The following TBPL2 variants were observed in gnomAD, a reference collection of about 807,000 sequenced individuals.
TBPL2 encodes the protein TATA box-binding protein-like 2.
Under a neutral mutation model 38.2 loss-of-function variants are expected in TBPL2, and 40 were observed. That is an observed-to-expected ratio of 1.05 (90% CI 0.81 to 1.36). The LOEUF is 1.36. TBPL2 is among the 40% of genes most tolerant of loss of function. The pLI is 0.00. For synonymous variants in TBPL2, 169 were observed against 171.7 expected (o/e 0.98, Z 0.12); for missense variants, 461 against 456.7 (o/e 1.01, Z -0.09).
At chr14:55,416,447 TAAAAAG>T (rs1485266078) in intron 6 of TBPL2, among the ~76,000 whole-genome samples, 2 of 151,618 alleles carry the variant, frequency 1.3e-5, no homozygotes, top group African/African-American at 4.8e-5. Context: ...AGGAAAAAAA[TAAAAAG>T]AGAAAAAATA....
rs181322562 is a variant in TBPL2 at position 55,415,341 on chromosome 14, C to G, written c.1052-886G>C. On this transcript the variant is annotated intron_variant, in intron 6 of 6. Coordinates refer to ENST00000247219, the Ensembl canonical transcript of TBPL2. Reference sequence around the variant, plus strand: ...TTTAGTTGATAAAGACTCTTAAGAACTATAAAGTACATTGCTGATAGGAAC... The same window carrying G: ...TTTAGTTGATAAAGACTCTTAAGAAGTATAAAGTACATTGCTGATAGGAAC... Among the ~76,000 whole-genome samples the G allele has an allele frequency of 3.9e-3, 591 of 152,228 alleles. 20 individuals are homozygous for G. The highest frequency in any genetic ancestry group is 8.5e-4 in the Non-Finnish European group (58 of 68,020).
At chr14:55,433,782 A>G in intron 3 of TBPL2, 61 bp from the exon 4 acceptor site, 3 of 1,473,194 alleles carry the variant, frequency 2.0e-6, no homozygotes, top group Non-Finnish European at 2.8e-6. Context: ...TCCCAGTTGA[A>G]AAAGCCGAGC....
At chr14:55,416,744 C>T (rs895915324) in intron 6 of TBPL2, among the ~76,000 whole-genome samples, 1 of 152,214 alleles carries the variant, frequency 6.6e-6, no homozygotes, top group Non-Finnish European at 1.5e-5. Flanking sequence ...TAGCTGCATT[C>T]GTCTTGAACA....
exon 1 of TBPL2, chr14:55,440,432 G>C (rs1173204228): frequency 3.7e-6 from 6 of 1,612,978 alleles, no homozygotes; most frequent in Admixed American, 1.7e-5. Flanking sequence ...GCTCCAGGTA[G>C]GTCTCCTCCT....
intron 1 of TBPL2, among the ~76,000 whole-genome samples, chr14:55,439,170 C>T (rs898955547): frequency 6.6e-6 from 1 of 151,642 alleles, no homozygotes; most frequent in Non-Finnish European, 1.5e-5. Flanking sequence ...AACTCCTGAC[C>T]TCAAATGAGC....
exon 2 of TBPL2, chr14:55,436,631 G>C: frequency 6.2e-7 from 1 of 1,614,234 alleles, no homozygotes; most frequent in Non-Finnish European, 8.5e-7. Flanking sequence ...ATGGATGCCA[G>C]AGACAAGGAG....
intron 4 of TBPL2, among the ~76,000 whole-genome samples, chr14:55,432,437 CA>C (rs1885945265): frequency 1.1e-4 from 11 of 98,038 alleles, no homozygotes; most frequent in Admixed American, 9.5e-4. Context: ...AACAAATAAA[CA>C]AACAACAAAA....
chr14:55,437,143 T>C (rs1168597913), intron 1 of TBPL2, 125 bp from the exon 2 acceptor site: 3 of 802,644 alleles, frequency 3.7e-6, no homozygotes, highest in East Asian at 2.5e-5. Context: ...TCAAGATTGC[T>C]TGTATTCATG....
At chr14:55,439,278 T>TAAA (rs34693240) in intron 1 of TBPL2, among the ~76,000 whole-genome samples, 7,533 of 133,768 alleles carry the variant, frequency 0.056, 257 homozygotes, top group Non-Finnish European at 0.08. Context: ...TAATTAACTT[T>TAAA]AAAAAAAAAA....
intron 6 of TBPL2, among the ~76,000 whole-genome samples, chr14:55,415,043 A>G (rs759438606): frequency 5.9e-5 from 9 of 152,264 alleles, no homozygotes; most frequent in Non-Finnish European, 1.2e-4. Flanking sequence ...GGATAAAAAC[A>G]TGAATCAAAC....
At chr14:55,430,186 A>G (rs1885902711) in intron 4 of TBPL2, among the ~76,000 whole-genome samples, 1 of 152,152 alleles carries the variant, frequency 6.6e-6, no homozygotes, top group East Asian at 1.9e-4. Flanking sequence ...AGGGTGAATC[A>G]GGTGAATTCC....
chr14:55,433,719 C>T (rs1341750092), exon 4 of TBPL2: 1 of 1,613,604 alleles, frequency 6.2e-7, no homozygotes, highest in Non-Finnish European at 8.5e-7. Flanking sequence ...CAGCAGCAAA[C>T]CTCTATACCC....
rs778648378 is a variant in TBPL2, at chr14:55,428,862, C to T, written c.901G>A (p.Val301Met). 1.5e-5 allele frequency: 25 copies of T among 1,614,074 alleles called. No individual in the cohort carries two copies. The highest frequency in any genetic ancestry group is 2.1e-5 in the Non-Finnish European group (25 of 1,180,030). The change falls in exon 5 of 7, where the codon GTG (valine) becomes ATG (methionine). Residue 301 changes from valine to methionine, a missense_variant. Physicochemically the swap from Val to Met is conservative, Grantham distance 21 (BLOSUM62 1). Coordinates refer to ENST00000247219, the Ensembl canonical transcript of TBPL2. ...CCTTCCAGCCTGATGGGAAATCTCA[C>T]ATCACAGCTTCCAACCATGTTCTGA...
intron 5 of TBPL2, 110 bp downstream of exon 5, chr14:55,428,697 C>CT: frequency 8.5e-7 from 1 of 1,182,746 alleles, no homozygotes; most frequent in Non-Finnish European, 1.2e-6. Context: ...GTGTCCCCCG[C>CT]CTTTTTTTTT....
chr14:55,417,435 A>G (rs368835728), intron 6 of TBPL2, among the ~76,000 whole-genome samples: 7 of 146,146 alleles, frequency 4.8e-5, no homozygotes, highest in African/African-American at 1.8e-4. Flanking sequence ...CCAGGCTCCA[A>G]TGAGATGACC....
intron 4 of TBPL2, among the ~76,000 whole-genome samples, chr14:55,429,221 T>C (rs1270500721): frequency 6.6e-6 from 1 of 152,262 alleles, no homozygotes; most frequent in African/African-American, 2.4e-5. Flanking sequence ...CTTTCATATA[T>C]GAAGTACTTT....
exon 2 of TBPL2, chr14:55,436,609 G>A (rs371440701): frequency 1.9e-6 from 3 of 1,614,224 alleles, no homozygotes; most frequent in Non-Finnish European, 2.5e-6. Context: ...GGTCATTGGT[G>A]TCATGGGAGT....
Position 55,430,985 on chromosome 14 carries a change from T to C in TBPL2, c.789-2011A>G, listed in dbSNP as rs555771124. Among the ~76,000 whole-genome samples the C allele has an allele frequency of 2.0e-4, 30 of 152,352 alleles. 2 individuals carry two copies. In the South Asian group the frequency reaches 5.6e-3, roughly 28 times the overall value. The stretch of plus-strand genomic sequence containing the variant: ...CAGAAGTTTCTATTGAAACAACTAA[T>C]AGTTGAAAGTCTATATACATGTTCA... On this transcript the variant is annotated intron_variant, in intron 4 of 6. Coordinates refer to ENST00000247219, the Ensembl canonical transcript of TBPL2.
At chr14:55,435,963 A>T (rs755477092) in intron 2 of TBPL2, 29 bp from the exon 3 acceptor site, 5 of 1,354,564 alleles carry the variant, frequency 3.7e-6, no homozygotes, top group South Asian at 1.3e-5. Flanking sequence ...TTAGAAACTT[A>T]TATCAGATAT....
Sources: allele counts gnomAD v4.1 joint callset (sites outside exome capture counted in the v4.1 genomes callset), GRCh38; gene constraint gnomAD v4.1.1; transcripts MANE v1.5; gene names NCBI Gene and HGNC (gene_info 2026-07-23, HGNC 2026-07-21).